The following MS4A14 variants were observed in gnomAD, a reference collection of about 807,000 sequenced individuals.
MS4A14 encodes membrane-spanning 4-domains subfamily A member 14.
Under a neutral mutation model 16.7 loss-of-function variants are expected in MS4A14, and 18 were observed. That is an observed-to-expected ratio of 1.08 (90% CI 0.75 to 1.60). MS4A14 has a LOEUF of 1.60. MS4A14 is among the 40% of genes most tolerant of loss of function. MS4A14 has a pLI of 0.00. For synonymous variants in MS4A14, 305 were observed against 289.4 expected (o/e 1.05, Z -0.55); for missense variants, 812 against 775.3 (o/e 1.05, Z -0.56).
At position 60,397,971 on chromosome 11, in the gene MS4A14, A is replaced by T; in HGVS notation, c.258A>T (p.Gly86=). 3 of 1,613,242 alleles carry T rather than the reference A, an allele frequency of 1.9e-6. No homozygotes were observed. The highest frequency in any genetic ancestry group is 2.5e-6 in the Non-Finnish European group (3 of 1,179,446). The change falls in exon 2 of 5, where the codon GGA becomes GGT. Residue 86 remains glycine (G), a synonymous_variant. Transcript: ENST00000300187. ...TCCTCACAGGATATCCATTCTGGGG[A>T]GCACTTATTGTGAGTACTGTCGATT... is the stretch of plus-strand genomic sequence containing the variant. The part of the protein sequence containing the change: ...LVVLTGYPFW[G]ALIFILTGYL...
intron 4 of MS4A14, among the ~76,000 whole-genome samples, chr11:60,413,903 A>G (rs1410979996): frequency 6.6e-6 from 1 of 152,130 alleles, no homozygotes; most frequent in Admixed American, 6.6e-5. Context: ...TAGATCAGAG[A>G]GGAAAGCACA....
intron 4 of MS4A14, 157 bp downstream of exon 4, chr11:60,403,218 T>A: frequency 1.4e-6 from 1 of 734,300 alleles, no homozygotes; most frequent in Admixed American, 2.3e-5. Flanking sequence ...TTACAATGGT[T>A]AAGGAGCGAT....
rs373858678 is a variant in MS4A14 at position 60,415,656 on chromosome 11, C to A, written c.688C>A (p.Pro230Thr). The A allele has an allele frequency of 1.2e-6, 2 of 1,613,862 alleles. No homozygotes were observed. Among genetic ancestry groups the A allele is most frequent in the Non-Finnish European group, 1.7e-6 (2 of 1,179,878 alleles). Residue 230 changes from proline (P) to threonine (T), a missense_variant, in exon 5 of 5, where the codon CCA becomes ACA. Pro to Thr is a conservative substitution (Grantham distance 38, BLOSUM62 -1). Transcript: ENST00000300187. ...AGGTAATAAAGGTAGAGAATTTGTG[C>A]CAGATGAACAAAAGCAAAGTATCCT... ...QPGNKGREFV[P>T]DEQKQSILPS... is the part of the protein sequence containing the mutation.
intron 2 of MS4A14, among the ~76,000 whole-genome samples, chr11:60,399,917 A>G (rs1025104654): frequency 3.9e-5 from 6 of 152,146 alleles, no homozygotes; most frequent in Non-Finnish European, 5.9e-5. Context: ...GGGACTCCAC[A>G]TGGAGTGACA....
At chr11:60,400,278 C>A in intron 2 of MS4A14, 126 bp from the exon 3 acceptor site, 2 of 580,766 alleles carry the variant, frequency 3.4e-6, no homozygotes, top group Non-Finnish European at 6.2e-6. Flanking sequence ...CTCCCTGATG[C>A]TCAGGTGGAA....
chr11:60,410,999 C>A (rs752239885), intron 4 of MS4A14, among the ~76,000 whole-genome samples: 11 of 152,112 alleles, frequency 7.2e-5, no homozygotes, highest in Admixed American at 6.6e-5. Flanking sequence ...GCGCATGCCA[C>A]CATGCCAGGC....
At chr11:60,405,901 AT>A (rs1432799747) in intron 4 of MS4A14, 1 of 1,534,822 alleles carries the variant, frequency 6.5e-7, no homozygotes, top group Non-Finnish European at 8.7e-7. Flanking sequence ...AATTTTGTTA[AT>A]CTTACTGATC....
chr11:60,412,865 T>A (rs2085887465), intron 4 of MS4A14, among the ~76,000 whole-genome samples: 1 of 151,968 alleles, frequency 6.6e-6, no homozygotes, highest in African/African-American at 2.4e-5. Flanking sequence ...TAGAATTCGT[T>A]TATTGATTGC....
At chr11:60,403,819 T>G (rs2085749320) in intron 4 of MS4A14, among the ~76,000 whole-genome samples, 1 of 152,198 alleles carries the variant, frequency 6.6e-6, no homozygotes, top group Non-Finnish European at 1.5e-5. Context: ...TTGAAGAATA[T>G]TTGAATCCGT....
chr11:60,405,846 G>A, intron 4 of MS4A14: 1 of 1,366,226 alleles, frequency 7.3e-7, no homozygotes, highest in Non-Finnish European at 1.0e-6. Context: ...TAAAATAACA[G>A]CTCTCATTTC....
intron 3 of MS4A14, among the ~76,000 whole-genome samples, chr11:60,401,736 T>C (rs182983661): frequency 3.9e-5 from 6 of 152,332 alleles, no homozygotes; most frequent in Admixed American, 2.0e-4. Context: ...AGGGATTGAT[T>C]ATCTAGAGAT....
chr11:60,414,196 A>G (rs1224473695), intron 4 of MS4A14, among the ~76,000 whole-genome samples: 1 of 152,132 alleles, frequency 6.6e-6, no homozygotes, highest in Non-Finnish European at 1.5e-5. Flanking sequence ...CCTCTTTTTA[A>G]GTGGAAGAAT....
At chr11:60,410,535 T>C (rs910732941) in intron 4 of MS4A14, among the ~76,000 whole-genome samples, 1 of 152,244 alleles carries the variant, frequency 6.6e-6, no homozygotes, top group African/African-American at 2.4e-5. Context: ...GTCATGAAGA[T>C]ATCTTCCAAC....
Position 60,404,943 on chromosome 11 carries a change from T to C in MS4A14, c.468+1882T>C, listed in dbSNP as rs1056268230. ...TTGTTCAATGGAGAAAGTCAGTAAA[T>C]TGCATACAATAGGGTCTTCATACAT... On this transcript the variant is annotated intron_variant, in intron 4 of 4. Coordinates refer to ENST00000300187, the MANE Select transcript of MS4A14 (RefSeq NM_032597.5). Among the ~76,000 whole-genome samples, 52 of 152,230 alleles carry C rather than the reference T, an allele frequency of 3.4e-4. 1 individual carries two copies. The highest frequency in any genetic ancestry group is 3.1e-3 in the Admixed American group (47 of 15,280).
At position 60,416,798 on chromosome 11, in the gene MS4A14, G is replaced by T. The variant is rs760702072; in HGVS notation, c.1830G>T (p.Pro610=). 5.0e-6 allele frequency: 8 copies of T among 1,613,398 alleles called. No homozygotes were observed. Among genetic ancestry groups the T allele is most frequent in the Non-Finnish European group, 6.8e-6 (8 of 1,179,754 alleles). ...AGGATCAGCAAACTGAAGACCAGCC[G>T]GCCCAAGAGAAGAAATCCCCGAAAG... ...QTQDQQTEDQ[P]AQEKKSPKGQ... is the part of the protein sequence containing the mutation. Residue 610 remains proline (P), a synonymous_variant, in exon 5 of 5, where the codon CCG becomes CCT. Coordinates refer to ENST00000300187, the MANE Select transcript of MS4A14 (RefSeq NM_032597.5).
In MS4A14 at chr11:60,416,867, G is replaced by A; in HGVS notation, c.1899G>A (p.Val633=). Residue 633 remains valine, a synonymous_variant, in exon 5 of 5, where the codon GTG becomes GTA. Transcript: ENST00000300187. ...NVQAEGQQAQ[V]EKVPKLLCQD... The stretch of plus-strand genomic sequence containing the variant: ...AAGCCGAAGGACAGCAAGCTCAGGT[G>A]GAGAAAGTGCCAAAACTGTTATGCC... The A allele has an allele frequency of 1.9e-6, 3 of 1,613,734 alleles. No individual in the cohort carries two copies. Among genetic ancestry groups the A allele is most frequent in the Non-Finnish European group, 2.5e-6 (3 of 1,179,810 alleles).
intron 2 of MS4A14, among the ~76,000 whole-genome samples, chr11:60,399,071 T>C (rs183942677): frequency 6.6e-6 from 1 of 152,344 alleles, no homozygotes; most frequent in East Asian, 1.9e-4. Context: ...TCCTAGGTGC[T>C]GAGACTGAGA....
intron 2 of MS4A14, among the ~76,000 whole-genome samples, chr11:60,398,774 C>T (rs1435827521): frequency 6.6e-6 from 1 of 152,184 alleles, no homozygotes; most frequent in Admixed American, 6.5e-5. Context: ...AACAGAAATA[C>T]TCCATGCCTT....
chr11:60,398,840 AT>A (rs1221814043), intron 2 of MS4A14, among the ~76,000 whole-genome samples: 1 of 152,226 alleles, frequency 6.6e-6, no homozygotes, highest in African/African-American at 2.4e-5. Flanking sequence ...CCCAATATAA[AT>A]AATGTAATAT....
Sources: allele counts gnomAD v4.1 joint callset (sites outside exome capture counted in the v4.1 genomes callset), GRCh38; gene constraint gnomAD v4.1.1; transcripts MANE v1.5; gene names NCBI Gene and HGNC (gene_info 2026-07-23, HGNC 2026-07-21).